QTGAL: variants seen among roughly 807,000 people sequenced by gnomAD.
QTGAL encodes BGnT-like protein 1.
the QTGAL span, among the ~76,000 whole-genome samples, chr17:82,950,775 C>T: frequency 6.6e-6 from 1 of 152,228 alleles, no homozygotes; most frequent in East Asian, 1.9e-4. Flanking sequence ...ACCAGGTGCA[C>T]CGTCAATGAG....
the QTGAL span, among the ~76,000 whole-genome samples, chr17:82,974,369 C>G: frequency 6.6e-6 from 1 of 152,208 alleles, no homozygotes; most frequent in Admixed American, 6.5e-5. Context: ...CTGGCCGCCT[C>G]GAGCAGAGGC....
the QTGAL span, chr17:83,048,892 A>G: frequency 1.2e-6 from 1 of 859,606 alleles, no homozygotes; most frequent in Non-Finnish European, 1.9e-6. Context: ...GTGACAAACA[A>G]AAGGTGTCCA....
the QTGAL span, among the ~76,000 whole-genome samples, chr17:83,008,734 G>A: frequency 1.3e-5 from 2 of 152,212 alleles, no homozygotes; most frequent in East Asian, 3.9e-4. Context: ...GAGCAGCTTC[G>A]TGGAGAGAAA....
chr17:83,023,176 GCCCCAC>G, the QTGAL span, among the ~76,000 whole-genome samples: 7,562 of 97,594 alleles, frequency 0.077, 214 homozygotes, highest in East Asian at 0.13. Context: ...CACTGTCCCC[GCCCCAC>G]CTGCACCAGC....
chr17:82,972,294 T>C, the QTGAL span, among the ~76,000 whole-genome samples: 55 of 67,762 alleles, frequency 8.1e-4, no homozygotes, highest in East Asian at 1.8e-3. Flanking sequence ...CAGAAGGACC[T>C]GGTACTGACC....
At chr17:82,956,130 T>G in the QTGAL span, among the ~76,000 whole-genome samples, 1 of 151,900 alleles carries the variant, frequency 6.6e-6, no homozygotes, top group Admixed American at 6.6e-5. The surrounding 1 kb of genome is among the most constrained non-coding windows in gnomAD (Gnocchi z 5.7). Context: ...CAAATCTTCA[T>G]GTTCAGCACA....
At chr17:83,048,362 A>G in the QTGAL span, 1 of 1,000,100 alleles carries the variant, frequency 1.0e-6, no homozygotes. Context: ...ATATCCAATT[A>G]CCACCAGGAT....
the QTGAL span, chr17:83,006,554 G>A: frequency 1.0e-6 from 1 of 985,324 alleles, no homozygotes; most frequent in African/African-American, 1.7e-5. The surrounding 1 kb of genome is among the most constrained non-coding windows in gnomAD (Gnocchi z 5.8). Flanking sequence ...ATGTCCCAGG[G>A]CACGAGCACC....
the QTGAL span, chr17:82,961,063 AC>A: frequency 6.2e-7 from 1 of 1,609,268 alleles, no homozygotes; most frequent in Admixed American, 1.7e-5. Flanking sequence ...TCACTCGAGG[AC>A]GCAGTGCGTG....
At chr17:82,989,230 C>G in the QTGAL span, among the ~76,000 whole-genome samples, 3 of 151,930 alleles carry the variant, frequency 2.0e-5, no homozygotes, top group African/African-American at 7.3e-5. Context: ...TTATCCTCAG[C>G]AAACCAAAAC....
At chr17:83,010,333 C>T in the QTGAL span, among the ~76,000 whole-genome samples, 1 of 152,184 alleles carries the variant, frequency 6.6e-6, no homozygotes, top group Non-Finnish European at 1.5e-5. Flanking sequence ...AACTACAGCC[C>T]AGCAGAGCCC....
At chr17:82,995,813 T>C in the QTGAL span, among the ~76,000 whole-genome samples, 1 of 152,200 alleles carries the variant, frequency 6.6e-6, no homozygotes, top group Non-Finnish European at 1.5e-5. Flanking sequence ...GAAAGATCTC[T>C]ACAATGAAAA....
the QTGAL span, among the ~76,000 whole-genome samples, chr17:82,998,075 T>A: frequency 1.8e-3 from 278 of 151,682 alleles, 3 homozygotes; most frequent in Non-Finnish European, 5.3e-4. Flanking sequence ...TAGTCAAAAT[T>A]AGTTTAACTC....
the QTGAL span, among the ~76,000 whole-genome samples, chr17:83,001,698 C>T: frequency 1.3e-5 from 2 of 152,152 alleles, no homozygotes; most frequent in African/African-American, 4.8e-5. Context: ...GCAGTAACAT[C>T]GTTTTTTCTC....
the QTGAL span, among the ~76,000 whole-genome samples, chr17:82,967,562 G>C: frequency 1.3e-5 from 2 of 152,198 alleles, no homozygotes; most frequent in African/African-American, 2.4e-5. Context: ...GGGGTGCTAC[G>C]TGCATCTGGT....
chr17:82,959,417 G>A, the QTGAL span, among the ~76,000 whole-genome samples: 1 of 151,650 alleles, frequency 6.6e-6, no homozygotes, highest in Non-Finnish European at 1.5e-5. Flanking sequence ...ATACTTTCGT[G>A]CACGTATGTG....
At chr17:82,956,166 TA>T in the QTGAL span, among the ~76,000 whole-genome samples, 179 of 145,502 alleles carry the variant, frequency 1.2e-3, no homozygotes, top group East Asian at 7.3e-3. The surrounding 1 kb of genome is among the most constrained non-coding windows in gnomAD (Gnocchi z 5.7). Flanking sequence ...AAAGTAAAAT[TA>T]AAAAAAAAAA....
chr17:82,997,305 T>C, the QTGAL span, among the ~76,000 whole-genome samples: 2 of 152,186 alleles, frequency 1.3e-5, no homozygotes, highest in Non-Finnish European at 2.9e-5. Flanking sequence ...ACATCACTGA[T>C]CATCAGAGAA....
At chr17:83,043,175 T>G in the QTGAL span, among the ~76,000 whole-genome samples, 5 of 152,194 alleles carry the variant, frequency 3.3e-5, no homozygotes, top group Non-Finnish European at 7.3e-5. Flanking sequence ...CCAACTAGAC[T>G]TAGCAGAAAT....
Sources: gnomAD v4.1 joint callset for allele counts (sites outside exome capture counted in the v4.1 genomes callset) on GRCh38, gnomAD v4.1.1 for gene constraint, Gnocchi (gnomAD v3.1) non-coding constraint, MANE v1.5 for transcripts, NCBI Gene and HGNC (gene_info 2026-07-23, HGNC 2026-07-21) for gene names.